Variants in LRRTM4 observed in about 807,000 individuals in gnomAD.
LRRTM4 encodes the protein leucine rich repeat transmembrane neuronal 4.
A neutral mutation model predicts 47.6 loss-of-function variants in LRRTM4; 25 were observed. That is an observed-to-expected ratio of 0.53 (90% CI 0.38 to 0.73). The LOEUF (loss-of-function observed/expected upper bound fraction) is 0.73. Ranked by LOEUF, LRRTM4 falls within the 30% of genes least tolerant of loss-of-function variation. The pLI, the probability that LRRTM4 is intolerant of heterozygous loss-of-function variation, is 0.00. For missense variants in LRRTM4, 638 were observed against 713.4 expected, an observed-to-expected ratio of 0.89 and a Z score of 1.20; for synonymous variants, 311 against 269.5, an observed-to-expected ratio of 1.15 and a Z score of -1.51.
intron 3 of LRRTM4, among the ~76,000 whole-genome samples, chr2:76,951,895 T>C (rs1675510475): frequency 6.6e-6 from 1 of 151,956 alleles, no homozygotes. Context: ...AGTTTTCTGT[T>C]CCTATGTTAG....
intron 3 of LRRTM4, among the ~76,000 whole-genome samples, chr2:76,780,997 A>C (rs1288102609): frequency 1.3e-5 from 2 of 152,244 alleles, no homozygotes; most frequent in African/African-American, 2.4e-5. Flanking sequence ...CCTCAGCTGC[A>C]GGTCTGTTGG....
At chr2:76,828,918 G>C (rs1312330283) in intron 3 of LRRTM4, among the ~76,000 whole-genome samples, 1 of 151,698 alleles carries the variant, frequency 6.6e-6, no homozygotes, top group African/African-American at 2.4e-5. Context: ...TCAGAAATTA[G>C]GCCTTGACAT....
rs370396174 is a variant in LRRTM4, at chr2:76,796,087, C to T, written c.1552-47171G>A. On this transcript the variant is annotated intron_variant, in intron 3 of 3. Coordinates refer to ENST00000409884, the MANE Select transcript of LRRTM4 (RefSeq NM_001134745.3). ...CCTGGAAAATCGGGTCACTCCCACC[C>T]GAATACTGCGCTTTTCAGACAGGCT... Among the ~76,000 whole-genome samples, 23 of 133,136 alleles carry T rather than the reference C, an allele frequency of 1.7e-4. 1 individual carries two copies. The highest frequency in any genetic ancestry group is 8.9e-4 in the Admixed American group (12 of 13,430). 87.3% of individuals were successfully genotyped at this position (133,136 alleles called of 152,430 possible).
intron 3 of LRRTM4, among the ~76,000 whole-genome samples, chr2:77,371,317 A>G (rs1411551610): frequency 2.0e-5 from 3 of 151,802 alleles, no homozygotes; most frequent in Non-Finnish European, 4.4e-5. Context: ...AACTCTACAG[A>G]CTGATACTCT....
At chr2:77,472,189 T>C (rs1307260420) in intron 3 of LRRTM4, among the ~76,000 whole-genome samples, 1 of 152,132 alleles carries the variant, frequency 6.6e-6, no homozygotes, top group African/African-American at 2.4e-5. Context: ...AAGTGTGGTC[T>C]AGTGTTGCTC....
chr2:76,817,833 TC>T (rs1670943337), intron 3 of LRRTM4, among the ~76,000 whole-genome samples: 3 of 152,028 alleles, frequency 2.0e-5, no homozygotes, highest in Non-Finnish European at 4.4e-5. Flanking sequence ...AGTAATGTCT[TC>T]TTGCTTAAGA....
chr2:77,105,493 A>C (rs1001520719), intron 3 of LRRTM4, among the ~76,000 whole-genome samples: 2 of 119,148 alleles, frequency 1.7e-5, no homozygotes, highest in African/African-American at 6.6e-5. Context: ...GGAACATCAC[A>C]CACCGGGGCC....
chr2:77,151,337 A>C (rs1672414019), intron 3 of LRRTM4, among the ~76,000 whole-genome samples: 1 of 152,110 alleles, frequency 6.6e-6, no homozygotes, highest in African/African-American at 2.4e-5. Flanking sequence ...CCACAATCTC[A>C]ATCCCCTGGC....
intron 3 of LRRTM4, among the ~76,000 whole-genome samples, chr2:76,948,330 C>T (rs1675389721): frequency 6.6e-6 from 1 of 151,848 alleles, no homozygotes; most frequent in Non-Finnish European, 1.5e-5. Flanking sequence ...GTGTAACCAA[C>T]ATGACTGAAC....
intron 3 of LRRTM4, among the ~76,000 whole-genome samples, chr2:76,904,267 C>G (rs1030977381): frequency 2.0e-5 from 3 of 152,200 alleles, no homozygotes; most frequent in Non-Finnish European, 2.9e-5. Context: ...ATAACAACAG[C>G]TGATTGTTTG....
intron 3 of LRRTM4, among the ~76,000 whole-genome samples, chr2:77,087,674 A>T (rs1471148433): frequency 6.6e-6 from 1 of 152,246 alleles, no homozygotes. Flanking sequence ...GCATAGGATA[A>T]AAATAATCAA....
chr2:76,955,965 C>G (rs1675662068), intron 3 of LRRTM4, among the ~76,000 whole-genome samples: 1 of 151,260 alleles, frequency 6.6e-6, no homozygotes, highest in Admixed American at 6.6e-5. Context: ...TAAATTATTA[C>G]TATCAGTAAT....
intron 3 of LRRTM4, among the ~76,000 whole-genome samples, chr2:77,212,457 T>TTATA (rs367948629): frequency 1.6e-3 from 236 of 145,514 alleles, no homozygotes; most frequent in African/African-American, 5.4e-3. Flanking sequence ...AGTGGAATAA[T>TTATA]TATATATATA....
Position 77,008,129 on chromosome 2 carries a change from A to G in LRRTM4, c.1552-259213T>C, listed in dbSNP as rs144411766. 1.1e-3 allele frequency among the ~76,000 whole-genome samples: 161 copies of G among 152,336 alleles called. 1 individual carries two copies. Among genetic ancestry groups the G allele is most frequent in the African/African-American group, 3.8e-3 (156 of 41,594 alleles). On this transcript the variant is annotated intron_variant, in intron 3 of 3. Transcript: ENST00000409884. The stretch of plus-strand genomic sequence containing the variant: ...GCCAGAGGCATCAATGAAAGAGACA[A>G]TGAAAAAAGAGAATAAGTAAAAACT...
At chr2:76,798,408 C>A (rs1311112690) in intron 3 of LRRTM4, among the ~76,000 whole-genome samples, 1 of 151,326 alleles carries the variant, frequency 6.6e-6, no homozygotes, top group Non-Finnish European at 1.5e-5. Flanking sequence ...CCAACGAGAA[C>A]AAAGACACAA....
At chr2:76,884,607 G>A (rs1010063522) in intron 3 of LRRTM4, among the ~76,000 whole-genome samples, 6 of 152,116 alleles carry the variant, frequency 3.9e-5, no homozygotes, top group Non-Finnish European at 7.4e-5. Flanking sequence ...ATTAATATGT[G>A]TATATAAATA....
intron 3 of LRRTM4, among the ~76,000 whole-genome samples, chr2:77,423,633 T>G (rs905431300): frequency 6.6e-6 from 1 of 152,166 alleles, no homozygotes; most frequent in African/African-American, 2.4e-5. Flanking sequence ...CAGACTGGAA[T>G]AGGATGGAAG....
intron 3 of LRRTM4, among the ~76,000 whole-genome samples, chr2:77,048,007 T>G (rs77648954): frequency 0.044 from 6,621 of 152,118 alleles, 503 homozygotes; most frequent in African/African-American, 0.15. Flanking sequence ...GGTGATTATT[T>G]TTATATCTAG....
intron 3 of LRRTM4, among the ~76,000 whole-genome samples, chr2:77,260,577 T>C (rs981814058): frequency 3.3e-5 from 5 of 152,114 alleles, no homozygotes; most frequent in African/African-American, 1.2e-4. Context: ...AGATTCTAAT[T>C]TGCCATCATT....
Sources: gnomAD v4.1 joint callset for allele counts (sites outside exome capture counted in the v4.1 genomes callset) on GRCh38, gnomAD v4.1.1 for gene constraint, MANE v1.5 for transcripts, NCBI Gene and HGNC (gene_info 2026-07-23, HGNC 2026-07-21) for gene names.